Variants in PPFIBP1 observed in about 807,000 individuals in gnomAD.
PPFIBP1 encodes the protein liprin-beta-1.
A neutral mutation model predicts 137.8 loss-of-function variants in PPFIBP1; 112 were observed. That is an observed-to-expected ratio of 0.81 (90% CI 0.70 to 0.95). The LOEUF is 0.95. Ranked by LOEUF, PPFIBP1 falls within the 40% of genes least tolerant of loss-of-function variation. PPFIBP1 has a pLI of 0.00. For missense variants in PPFIBP1, 1,083 were observed against 1,196.6 expected (o/e 0.91, Z 1.40); for synonymous variants, 378 against 417.3 (o/e 0.91, Z 1.15).
chr12:27,636,960 G>C (rs574074956), intron 4 of PPFIBP1: 297 of 152,248 alleles, frequency 2.0e-3, no homozygotes, highest in African/African-American at 6.9e-3. Flanking sequence ...AAGCTCTTTC[G>C]CCAGATATTT....
At chr12:27,594,162 A>G (rs1398863186) in intron 2 of PPFIBP1, 1 of 394,496 alleles carries the variant, frequency 2.5e-6, no homozygotes. Context: ...AACATTATCC[A>G]TCCCCTTTTC....
chr12:27,658,391 G>A (rs1388940923), intron 9 of PPFIBP1, among the ~76,000 whole-genome samples: 1 of 152,146 alleles, frequency 6.6e-6, no homozygotes, highest in Non-Finnish European at 1.5e-5. Flanking sequence ...CCCTTTCAGT[G>A]TTGTTGAACT....
chr12:27,550,696 A>G (rs1236467687), intron 1 of PPFIBP1, among the ~76,000 whole-genome samples: 1 of 152,196 alleles, frequency 6.6e-6, no homozygotes, highest in African/African-American at 2.4e-5. Flanking sequence ...TGGAGATGTT[A>G]AATTAACCTT....
chr12:27,679,680 C>G (rs1466941604), intron 20 of PPFIBP1, 41 bp downstream of exon 20: 1 of 1,595,510 alleles, frequency 6.3e-7, no homozygotes, highest in Admixed American at 1.7e-5. Context: ...CCCTGTCTTA[C>G]ATGTTGCTTA....
rs570505571 is a variant in PPFIBP1 at position 27,673,756 on chromosome 12, G to A, written c.1320-11G>A. ...CCACTTATTATTAATTGTTATTACT[G>A]TTATTTTTAGAACTTCAAGTCTGCA... is the stretch of plus-strand genomic sequence containing the variant. On this transcript the variant is annotated splice_polypyrimidine_tract_variant and intron_variant, in intron 15 of 29. Coordinates refer to ENST00000228425, the MANE Select transcript of PPFIBP1 (RefSeq NM_003622.4). 9 of 1,610,156 alleles carry A rather than the reference G, an allele frequency of 5.6e-6. No individual in the cohort carries two copies. Among genetic ancestry groups the A allele is most frequent in the Admixed American group, 5.0e-5 (3 of 59,808 alleles).
At chr12:27,571,312 G>A (rs1415178559) in intron 1 of PPFIBP1, among the ~76,000 whole-genome samples, 2 of 152,020 alleles carry the variant, frequency 1.3e-5, no homozygotes, top group Non-Finnish European at 2.9e-5. Context: ...GGTTTTTCTT[G>A]TAAGTCTAAT....
At chr12:27,529,911 A>G (rs1182248738) in intron 1 of PPFIBP1, among the ~76,000 whole-genome samples, 1 of 152,160 alleles carries the variant, frequency 6.6e-6, no homozygotes, top group Admixed American at 6.5e-5. Flanking sequence ...CGTGCCTAGG[A>G]TCAAGCTCAC....
At chr12:27,686,874 A>G (rs966505301) in intron 24 of PPFIBP1, among the ~76,000 whole-genome samples, 2 of 134,940 alleles carry the variant, frequency 1.5e-5, no homozygotes, top group Non-Finnish European at 3.0e-5. Flanking sequence ...TATCTCTCCA[A>G]AAAAAAAAAA....
At chr12:27,630,900 A>G (rs1458778809) in intron 2 of PPFIBP1, among the ~76,000 whole-genome samples, 1 of 152,102 alleles carries the variant, frequency 6.6e-6, no homozygotes. Context: ...CACTTTGGCT[A>G]TTGATTTTTC....
In PPFIBP1 at chr12:27,673,876, A is replaced by T. The variant is rs112819458; in HGVS notation, c.1380+49A>T. The T allele has an allele frequency of 2.5e-3, 3,637 of 1,452,864 alleles. 55 individuals are homozygous for T. In the African/African-American group the frequency reaches 0.04, roughly 16 times the overall value. 90.0% of individuals were successfully genotyped at this position (1,452,864 alleles called of 1,614,324 possible). Reference sequence around the variant, plus strand: ...TTTTTGTCTGTTATCCTGAGAAAAAACTATTTAGGGATCTTCATCTTTTCC... The same window carrying T: ...TTTTTGTCTGTTATCCTGAGAAAAATCTATTTAGGGATCTTCATCTTTTCC... On this transcript the variant is annotated intron_variant, in intron 16 of 29. Coordinates refer to ENST00000228425, the MANE Select transcript of PPFIBP1 (RefSeq NM_003622.4).
At chr12:27,646,175 T>C (rs1202621818) in intron 5 of PPFIBP1, 27 bp downstream of exon 5, 2 of 1,536,956 alleles carry the variant, frequency 1.3e-6, no homozygotes, top group East Asian at 2.3e-5. Context: ...TACTGTTCTT[T>C]CCTTGCAGCA....
chr12:27,599,421 T>G, intron 2 of PPFIBP1: 1 of 455,608 alleles, frequency 2.2e-6, no homozygotes, highest in Non-Finnish European at 4.4e-6. Context: ...ACCCTTGGGT[T>G]TTCTGGGTCT....
At chr12:27,603,521 G>A (rs1311702725) in intron 2 of PPFIBP1, among the ~76,000 whole-genome samples, 2 of 152,140 alleles carry the variant, frequency 1.3e-5, no homozygotes, top group Non-Finnish European at 1.5e-5. Flanking sequence ...GGATTTATGT[G>A]ATTATCTGAC....
At chr12:27,627,347 A>G (rs1790073747) in intron 2 of PPFIBP1, among the ~76,000 whole-genome samples, 1 of 152,228 alleles carries the variant, frequency 6.6e-6, no homozygotes. Context: ...ATTTGTGTGA[A>G]AACATATTCT....
intron 7 of PPFIBP1, among the ~76,000 whole-genome samples, chr12:27,652,889 G>T (rs1045263983): frequency 1.3e-5 from 2 of 152,158 alleles, no homozygotes; most frequent in African/African-American, 2.4e-5. Context: ...CTTTAGACTT[G>T]AATTCTGACC....
chr12:27,646,073 C>G lies in PPFIBP1; in HGVS notation c.282C>G (p.His94Gln). ...ACTTCCTTTTTCAGACAAATGGACA[C>G]CTACCAGGGAACGGAGATGTGTATC... Reference protein sequence around the residue: ...EWLQSQMTNGHLPGNGDVYQE... With the variant: ...EWLQSQMTNGQLPGNGDVYQE... The change falls in exon 5 of 30, where the codon CAC becomes CAG. Residue 94 changes from histidine (H) to glutamine (Q), a missense_variant. Physicochemically the swap from His to Gln is conservative, Grantham distance 24. Transcript: ENST00000228425. The G allele has an allele frequency of 6.2e-7, 1 of 1,606,882 alleles. No homozygotes were observed. The highest frequency in any genetic ancestry group is 8.5e-7 in the Non-Finnish European group (1 of 1,174,564).
chr12:27,546,429 A>C (rs1248414294), intron 1 of PPFIBP1, among the ~76,000 whole-genome samples: 2 of 152,220 alleles, frequency 1.3e-5, no homozygotes, highest in Non-Finnish European at 1.5e-5. Context: ...GCTACATTTT[A>C]GACATCCTCA....
intron 1 of PPFIBP1, among the ~76,000 whole-genome samples, chr12:27,536,386 C>G (rs1945005991): frequency 6.6e-6 from 1 of 152,150 alleles, no homozygotes; most frequent in Non-Finnish European, 1.5e-5. Context: ...AAGCATAGTG[C>G]CAGCATCTGC....
At chr12:27,564,837 G>T (rs559750281) in intron 1 of PPFIBP1, among the ~76,000 whole-genome samples, 1 of 152,016 alleles carries the variant, frequency 6.6e-6, no homozygotes, top group African/African-American at 2.4e-5. Context: ...TTGACTCCCC[G>T]TCAAGGCCAG....
Sources: gnomAD v4.1 joint callset for allele counts (sites outside exome capture counted in the v4.1 genomes callset) on GRCh38, gnomAD v4.1.1 for gene constraint, MANE v1.5 for transcripts, NCBI Gene and HGNC (gene_info 2026-07-23, HGNC 2026-07-21) for gene names.